Variants in TRMO observed in about 807,000 individuals in gnomAD.
The protein encoded by TRMO is tRNA (adenine(37)-N6)-methyltransferase.
A neutral mutation model predicts 37.2 loss-of-function variants in TRMO; 30 were observed. The ratio of observed to expected loss-of-function variants is 0.81; its 90% CI spans 0.60 to 1.09. The LOEUF (loss-of-function observed/expected upper bound fraction) is 1.09. Among genes scored for constraint, TRMO ranks in the 50% least tolerant of loss-of-function variants. TRMO has a pLI of 0.00. For synonymous variants in TRMO, 239 were observed against 199.4 expected (o/e 1.20, Z -1.67); for missense variants, 552 against 549.5 (o/e 1.00, Z -0.05).
At chr9:97,902,648 CCA>C (rs1404908848), downstream of TRMO, among the ~76,000 whole-genome samples, 2 of 152,144 alleles carry the variant, frequency 1.3e-5, no homozygotes, top group Non-Finnish European at 2.9e-5. Flanking sequence ...TAATAAAACC[CCA>C]AACAATTTAA....
chr9:97,898,837 A>ATTTTTTTT, the TRMO span, among the ~76,000 whole-genome samples: 11 of 47,612 alleles, frequency 2.3e-4, no homozygotes, highest in African/African-American at 3.3e-4. Context: ...ATATATATAT[A>ATTTTTTTT]CTTTTTTTTT....
Position 97,908,133 on chromosome 9 carries a change from T to C in TRMO, c.1066+1827A>G, listed in dbSNP as rs570188394. Among the ~76,000 whole-genome samples, 18 of 151,438 alleles carry C rather than the reference T, an allele frequency of 1.2e-4. No homozygotes were observed. The South Asian group carries it at 2.5e-3, about 21-fold the overall frequency. On this transcript the variant is annotated intron_variant, in intron 4 of 4. Transcript: ENST00000375119. ...CGTCTCTTTAAAAATTCAAAATAGG[T>C]TGGGCACGGTGGCTCACACCTGTAA...
chr9:97,900,351 G>C (rs948288045), downstream of TRMO, among the ~76,000 whole-genome samples: 1 of 152,234 alleles, frequency 6.6e-6, no homozygotes, highest in African/African-American at 2.4e-5. Flanking sequence ...AGGGCAGAAA[G>C]CGCTTGAAGT....
intron 3 of TRMO, chr9:97,913,123 T>C: frequency 2.1e-6 from 1 of 466,192 alleles, no homozygotes; most frequent in East Asian, 5.1e-5. Context: ...CTTTGGTTAC[T>C]AATTTAATGA....
At chr9:97,902,310 G>T (rs529338916), downstream of TRMO, among the ~76,000 whole-genome samples, 31 of 151,980 alleles carry the variant, frequency 2.0e-4, no homozygotes, top group African/African-American at 7.2e-4. Flanking sequence ...ATTTTTGTGG[G>T]TTTTTTTTGA....
intron 2 of TRMO, chr9:97,913,957 G>C (rs534806356): frequency 1.3e-4 from 20 of 157,970 alleles, no homozygotes; most frequent in Admixed American, 1.0e-3. Context: ...TGAGGAAATT[G>C]AAGTTCAGAA....
At chr9:97,901,012 C>T (rs1831157161), downstream of TRMO, among the ~76,000 whole-genome samples, 1 of 152,210 alleles carries the variant, frequency 6.6e-6, no homozygotes, top group South Asian at 2.1e-4. Flanking sequence ...ACTCATCTTT[C>T]TAATCTCTTC....
intron 4 of TRMO, among the ~76,000 whole-genome samples, chr9:97,908,558 C>T (rs1825969192): frequency 6.6e-6 from 1 of 152,152 alleles, no homozygotes. Context: ...CACTGCACTC[C>T]AGTCTGGGTG....
chr9:97,902,682 G>A (rs891116025), downstream of TRMO, among the ~76,000 whole-genome samples: 5 of 152,124 alleles, frequency 3.3e-5, no homozygotes, highest in Non-Finnish European at 7.3e-5. Context: ...TTATAAGGCC[G>A]TTGGTTACCA....
chr9:97,905,657 A>G (rs562280331), intron 4 of TRMO, among the ~76,000 whole-genome samples: 1 of 152,210 alleles, frequency 6.6e-6, no homozygotes, highest in Admixed American at 6.5e-5. Flanking sequence ...CATAACTACA[A>G]CATCACATAC....
chr9:97,918,612 A>G (rs1210831530), intron 1 of TRMO, among the ~76,000 whole-genome samples: 1 of 152,186 alleles, frequency 6.6e-6, no homozygotes, highest in Non-Finnish European at 1.5e-5. Flanking sequence ...CTACCCTACC[A>G]GCATAAGCAG....
downstream of TRMO, among the ~76,000 whole-genome samples, chr9:97,899,591 A>G (rs1476279051): frequency 6.6e-6 from 1 of 151,998 alleles, no homozygotes; most frequent in Non-Finnish European, 1.5e-5. Flanking sequence ...ATATTTCTAT[A>G]ATTAAAAAGA....
intron 3 of TRMO, chr9:97,910,823 G>T: frequency 1.6e-6 from 1 of 626,284 alleles, no homozygotes; most frequent in Non-Finnish European, 2.8e-6. Flanking sequence ...TGCTCTTTGA[G>T]GCCCTCAAAA....
At position 97,909,995 on chromosome 9, in the gene TRMO, T is replaced by C. The variant is rs1351657860; in HGVS notation, c.1031A>G (p.His344Arg). 6.4e-7 allele frequency: 1 copy of C among 1,569,718 alleles called. No individual in the cohort carries two copies. The highest frequency in any genetic ancestry group is 2.3e-5 in the East Asian group (1 of 44,350). The change falls in exon 4 of 5, where the codon CAT (histidine) becomes CGT (arginine). Residue 344 changes from histidine (H) to arginine (R), a missense_variant. Coordinates refer to ENST00000375119, the MANE Select transcript of TRMO (RefSeq NM_016481.5). ...GAGCTGCCCAAGGTCCATCTCGGCA[T>C]GAGGAGTAAACCGCACTTCTAAAGT... ...VATLEVRFTP[H>R]AEMDLGQLSS...
downstream of TRMO, among the ~76,000 whole-genome samples, chr9:97,902,970 T>A (rs1221545509): frequency 6.6e-6 from 1 of 152,066 alleles, no homozygotes; most frequent in Non-Finnish European, 1.5e-5. Flanking sequence ...TAAAAAGCTT[T>A]AAAAAATCAA....
Position 97,913,236 on chromosome 9 carries a change from A to G in TRMO, c.409+165T>C. 3 of 530,476 alleles carry G rather than the reference A, an allele frequency of 5.7e-6. 1 individual carries two copies. Among genetic ancestry groups the G allele is most frequent in the Non-Finnish European group, 9.8e-6 (3 of 305,664 alleles). The allele number at this position is 530,476 out of a possible 1,614,324, so 32.9% of individuals were successfully genotyped here. ...TATGAGTTTATTTCAACATTTTTCA[A>G]TGCTAACATTCTTTTAATCATTGTA... On this transcript the variant is annotated intron_variant, in intron 3 of 4. Transcript: ENST00000375119.
In TRMO at chr9:97,910,122, T is replaced by C; in HGVS notation, c.904A>G (p.Arg302Gly). 1 of 1,614,220 alleles carries C rather than the reference T, an allele frequency of 6.2e-7. No individual in the cohort carries two copies. The highest frequency in any genetic ancestry group is 8.5e-7 in the Non-Finnish European group (1 of 1,180,036). The change falls in exon 4 of 5, where the codon AGG (arginine) becomes GGG (glycine). Residue 302 changes from arginine (R) to glycine (G), a missense_variant. Physicochemically the swap from Arg to Gly is moderately radical, Grantham distance 125 (BLOSUM62 -2). Coordinates refer to ENST00000375119, the MANE Select transcript of TRMO (RefSeq NM_016481.5). ...GGGGCCATGGGCTGTGTCTCTGCCCTGCTTCCTTGCAAGACTGCTGCTCCT... is the reference window on the plus strand; with the variant it reads ...GGGGCCATGGGCTGTGTCTCTGCCCCGCTTCCTTGCAAGACTGCTGCTCCT... ...VEGAAVLQGS[R>G]AETQPMAPHC...
chr9:97,909,976 C>G lies in TRMO; in HGVS notation c.1050G>C (p.Gly350=), dbSNP rs561846135. 2 of 1,547,252 alleles carry G rather than the reference C, an allele frequency of 1.3e-6. No individual in the cohort carries two copies. The highest frequency in any genetic ancestry group is 2.8e-5 in the African/African-American group (2 of 72,720). Residue 350 remains glycine (G), a synonymous_variant, in exon 4 of 5, where the codon GGG becomes GGC. Transcript: ENST00000375119. The stretch of plus-strand genomic sequence containing the variant: ...TGAAGATACCTTGTGAACTGAGCTG[C>G]CCAAGGTCCATCTCGGCATGAGGAG... The part of the protein sequence containing the change: ...RFTPHAEMDL[G]QLSSQDVGQA...
intron 4 of TRMO, 46 bp from the exon 5 acceptor site, chr9:97,905,038 G>C: frequency 6.3e-7 from 1 of 1,587,898 alleles, no homozygotes; most frequent in Non-Finnish European, 8.6e-7. Flanking sequence ...CATGCAGGTT[G>C]AATTTAATTA....
Sources: gnomAD v4.1 joint callset for allele counts (sites outside exome capture counted in the v4.1 genomes callset) on GRCh38, gnomAD v4.1.1 for gene constraint, MANE v1.5 for transcripts, NCBI Gene and HGNC (gene_info 2026-07-23, HGNC 2026-07-21) for gene names.